The following PACRG variants were observed in gnomAD, a reference collection of about 807,000 sequenced individuals.
PACRG encodes parkin coregulated.
In PACRG, 29 loss-of-function variants were observed where a neutral mutation model predicts 29.7. That is an observed-to-expected ratio of 0.98 (90% CI 0.73 to 1.33). The LOEUF is 1.33. Ranked by LOEUF, PACRG falls within the 40% of genes most tolerant of loss-of-function variation. The probability of loss-of-function intolerance (pLI) is 0.00; values close to 1 mark genes in which losing one functional copy is unlikely to be tolerated. For synonymous variants in PACRG, 116 were observed against 118.7 expected, an observed-to-expected ratio of 0.98 and a Z score of 0.15; for missense variants, 279 against 316.2, an observed-to-expected ratio of 0.88 and a Z score of 0.89.
chr6:163,132,958 C>T lies in PACRG; in HGVS notation c.613+43550C>T, dbSNP rs552666963. 1.4e-4 allele frequency among the ~76,000 whole-genome samples: 22 copies of T among 152,272 alleles called. No individual in the cohort carries two copies. The South Asian group carries it at 4.1e-3, about 29-fold the overall frequency. On this transcript the variant is annotated intron_variant, in intron 4 of 4. Coordinates refer to ENST00000366888, the MANE Select transcript of PACRG (RefSeq NM_001080379.2). ...ATTTCTAGGAAATTTTTATTGGCTG[C>T]TTTTGTCCACATGATATTTACAGTG... is the stretch of plus-strand genomic sequence containing the variant.
chr6:163,176,814 C>T (rs1389030669), intron 4 of PACRG, among the ~76,000 whole-genome samples: 1 of 152,146 alleles, frequency 6.6e-6, no homozygotes. Flanking sequence ...ACATAAACAA[C>T]AAATTTGCAG....
chr6:162,974,181 T>C (rs960985037), intron 2 of PACRG, among the ~76,000 whole-genome samples: 1 of 152,204 alleles, frequency 6.6e-6, no homozygotes, highest in Non-Finnish European at 1.5e-5. Context: ...TCAACACAGC[T>C]GTCCTTTCTC....
intron 2 of PACRG, among the ~76,000 whole-genome samples, chr6:162,819,105 G>C (rs73603852): frequency 0.034 from 5,121 of 152,080 alleles, 283 homozygotes; most frequent in African/African-American, 0.12. Context: ...TTTCTTCTTT[G>C]ACACGTAAAT....
chr6:162,961,569 C>T (rs60694818), intron 2 of PACRG, among the ~76,000 whole-genome samples: 23,662 of 152,090 alleles, frequency 0.16, 3,235 homozygotes, highest in African/African-American at 0.36. Flanking sequence ...TTCATCCTCT[C>T]CTTTTTCTTC....
At chr6:163,272,966 A>G in intron 4 of PACRG, among the ~76,000 whole-genome samples, 2 of 122,330 alleles carry the variant, frequency 1.6e-5, no homozygotes, top group African/African-American at 7.2e-5. Context: ...ATCTCGGCTC[A>G]CTGCAAGCTC....
At chr6:162,833,300 T>C (rs1562643894) in intron 2 of PACRG, among the ~76,000 whole-genome samples, 4 of 152,164 alleles carry the variant, frequency 2.6e-5, no homozygotes. Context: ...CAATATTCCT[T>C]CTAGCTGTTA....
intron 1 of PACRG, among the ~76,000 whole-genome samples, chr6:162,761,463 T>C (rs1159330478): frequency 6.6e-6 from 1 of 152,186 alleles, no homozygotes; most frequent in Non-Finnish European, 1.5e-5. Context: ...GCATAGGAAG[T>C]TTTGGTTTTG....
At chr6:162,948,423 T>C (rs1441431907) in intron 2 of PACRG, among the ~76,000 whole-genome samples, 2 of 151,958 alleles carry the variant, frequency 1.3e-5, no homozygotes, top group Non-Finnish European at 2.9e-5. Context: ...ATGTAAGACC[T>C]GAAACTAAAA....
At chr6:163,314,136 T>C (rs934327526) in intron 4 of PACRG, among the ~76,000 whole-genome samples, 1 of 152,194 alleles carries the variant, frequency 6.6e-6, no homozygotes, top group Non-Finnish European at 1.5e-5. Flanking sequence ...ACTTCCAGAC[T>C]CTGCAGCTGA....
At chr6:162,832,765 A>G (rs1404660063) in intron 2 of PACRG, among the ~76,000 whole-genome samples, 2 of 151,050 alleles carry the variant, frequency 1.3e-5, no homozygotes, top group Admixed American at 6.6e-5. Context: ...TATTTAAAAT[A>G]TTTTTCTCTT....
intron 4 of PACRG, among the ~76,000 whole-genome samples, chr6:163,132,769 T>C (rs184117757): frequency 1.4e-4 from 22 of 152,356 alleles, no homozygotes; most frequent in Admixed American, 1.4e-3. Context: ...TTCTTACTTA[T>C]ATTTAATAGC....
At chr6:163,039,536 G>T (rs1808499694) in intron 2 of PACRG, among the ~76,000 whole-genome samples, 1 of 152,222 alleles carries the variant, frequency 6.6e-6, no homozygotes, top group Admixed American at 6.5e-5. Flanking sequence ...GAATGGTTTT[G>T]ACCAAAATGC....
chr6:163,034,912 G>A (rs1486997985), intron 2 of PACRG, among the ~76,000 whole-genome samples: 1 of 152,250 alleles, frequency 6.6e-6, no homozygotes, highest in Admixed American at 6.5e-5. Context: ...TCCATTGACA[G>A]AGCAGCCGTG....
intron 4 of PACRG, among the ~76,000 whole-genome samples, chr6:163,161,326 T>C (rs1778548028): frequency 6.6e-6 from 1 of 151,998 alleles, no homozygotes; most frequent in South Asian, 2.1e-4. Flanking sequence ...AAAACCTTAT[T>C]TAGGATTATT....
chr6:163,218,468 A>G (rs977228107), intron 4 of PACRG, among the ~76,000 whole-genome samples: 7 of 152,144 alleles, frequency 4.6e-5, no homozygotes, highest in Non-Finnish European at 8.8e-5. Context: ...TCCAAGGGCT[A>G]TGAGTGCTTT....
intron 4 of PACRG, among the ~76,000 whole-genome samples, chr6:163,120,847 G>A (rs1484798383): frequency 1.3e-5 from 2 of 152,100 alleles, no homozygotes; most frequent in African/African-American, 4.8e-5. Flanking sequence ...CTAGACCCAG[G>A]CCCTCCCATG....
intron 2 of PACRG, among the ~76,000 whole-genome samples, chr6:162,838,209 C>T (rs1196032246): frequency 2.0e-5 from 3 of 152,086 alleles, no homozygotes; most frequent in Admixed American, 1.3e-4. Flanking sequence ...TCTGAATCTC[C>T]GTGGCTTGAC....
At chr6:162,775,112 AG>A (rs1445562920) in intron 1 of PACRG, among the ~76,000 whole-genome samples, 1 of 152,160 alleles carries the variant, frequency 6.6e-6, no homozygotes, top group Non-Finnish European at 1.5e-5. Flanking sequence ...CTTCTAAAAG[AG>A]GCCCCAGAGA....
At chr6:162,998,175 A>T (rs1486165356) in intron 2 of PACRG, among the ~76,000 whole-genome samples, 1 of 152,146 alleles carries the variant, frequency 6.6e-6, no homozygotes, top group African/African-American at 2.4e-5. Context: ...CATTATTGCA[A>T]CCTCCCACCC....
Sources: allele counts gnomAD v4.1 joint callset (sites outside exome capture counted in the v4.1 genomes callset), GRCh38; gene constraint gnomAD v4.1.1; transcripts MANE v1.5; gene names NCBI Gene and HGNC (gene_info 2026-07-23, HGNC 2026-07-21).